The following TPO variants were observed in gnomAD, a reference collection of about 807,000 sequenced individuals.
TPO encodes the protein thyroid microsomal antigen.
In TPO, 78 loss-of-function variants were observed where a neutral mutation model predicts 96.9. That is an observed-to-expected ratio of 0.81 (90% CI 0.67 to 0.97). TPO has a LOEUF of 0.97. TPO is among the 50% of genes least tolerant of loss of function. The pLI is 0.00. For missense variants in TPO, 1,252 were observed against 1,274.8 expected, an observed-to-expected ratio of 0.98 and a Z score of 0.27; for synonymous variants, 547 against 538.0, an observed-to-expected ratio of 1.02 and a Z score of -0.23.
rs749491843 is a variant in TPO, at chr2:1,540,741, G to T, written c.2748+18G>T. On this transcript the variant is annotated intron_variant, in intron 16 of 16. Coordinates refer to ENST00000329066, the MANE Select transcript of TPO (RefSeq NM_001206744.2). ...CGGAGCAGGTGGGCCACACCATGCCGCATGTTTCCAGCTGCCACCGCAGTG... is the reference window on the plus strand; with the variant it reads ...CGGAGCAGGTGGGCCACACCATGCCTCATGTTTCCAGCTGCCACCGCAGTG... 6.2e-7 allele frequency: 1 copy of T among 1,613,250 alleles called. No individual in the cohort carries two copies. The highest frequency in any genetic ancestry group is 1.1e-5 in the South Asian group (1 of 91,080).
chr2:1,505,015 G>A (rs1405112451), intron 14 of TPO, among the ~76,000 whole-genome samples: 1 of 152,164 alleles, frequency 6.6e-6, no homozygotes, highest in Non-Finnish European at 1.5e-5. Flanking sequence ...CAACTGCATT[G>A]AGGAGCTTCT....
chr2:1,390,671 C>G (rs1661986150), intron 1 of TPO, among the ~76,000 whole-genome samples: 1 of 152,220 alleles, frequency 6.6e-6, no homozygotes, highest in East Asian at 1.9e-4. Context: ...TCCTATTTCT[C>G]CACATCCTCT....
chr2:1,410,157 G>A (rs764711768), upstream of TPO, among the ~76,000 whole-genome samples: 7 of 152,278 alleles, frequency 4.6e-5, no homozygotes, highest in Middle Eastern at 3.4e-3. Context: ...GGATGAATAC[G>A]TGAGGTGCTG....
intron 1 of TPO, among the ~76,000 whole-genome samples, chr2:1,401,624 G>A (rs1043653840): frequency 4.6e-5 from 7 of 152,080 alleles, no homozygotes; most frequent in Admixed American, 2.6e-4. Context: ...ACAGCCCTGA[G>A]CTTCTCCCTC....
chr2:1,429,908 G>C (rs911307635), intron 3 of TPO, among the ~76,000 whole-genome samples: 3 of 152,296 alleles, frequency 2.0e-5, no homozygotes, highest in African/African-American at 7.2e-5. Context: ...TAAAAGGGAA[G>C]CAGAGCATAA....
At chr2:1,429,220 C>T (rs535304464) in intron 3 of TPO, among the ~76,000 whole-genome samples, 1 of 152,254 alleles carries the variant, frequency 6.6e-6, no homozygotes, top group East Asian at 1.9e-4. Context: ...CTCTACTCTC[C>T]TGCTCCTGCT....
intron 1 of TPO, among the ~76,000 whole-genome samples, chr2:1,402,714 C>T (rs1304669485): frequency 6.6e-6 from 1 of 152,158 alleles, no homozygotes; most frequent in Non-Finnish European, 1.5e-5. Context: ...TACTCAGCAC[C>T]AACCAGGAGA....
chr2:1,406,890 A>C (rs1662257338), intron 1 of TPO, among the ~76,000 whole-genome samples: 1 of 152,194 alleles, frequency 6.6e-6, no homozygotes, highest in Admixed American at 6.5e-5. Context: ...CATTATTTGA[A>C]AGATCATCAG....
chr2:1,536,923 AAATCCC>A, intron 15 of TPO, among the ~76,000 whole-genome samples: 1 of 98,574 alleles, frequency 1.0e-5, no homozygotes, highest in Non-Finnish European at 1.9e-5. Context: ...GCAACCTCCC[AAATCCC>A]CCCCAATGTG....
intron 14 of TPO, among the ~76,000 whole-genome samples, chr2:1,506,714 C>T (rs931673273): frequency 2.1e-4 from 32 of 152,150 alleles, no homozygotes; most frequent in African/African-American, 5.8e-4. Context: ...ATCCTTCACC[C>T]GCTTTTTGAT....
At chr2:1,414,320 GCCCCTC>G in intron 1 of TPO, 82 bp from the exon 2 acceptor site, 2 of 1,267,540 alleles carry the variant, frequency 1.6e-6, no homozygotes, top group Non-Finnish European at 2.2e-6. Flanking sequence ...AGTGGAGGGA[GCCCCTC>G]AGCAGGGAGA....
chr2:1,533,833 C>G (rs1225860204), intron 15 of TPO, among the ~76,000 whole-genome samples: 1 of 82,100 alleles, frequency 1.2e-5, no homozygotes, highest in African/African-American at 4.4e-5. Flanking sequence ...TGTGTGCATT[C>G]TCCTCAAATG....
chr2:1,495,194 C>T (rs1672202814), intron 11 of TPO, among the ~76,000 whole-genome samples: 1 of 152,168 alleles, frequency 6.6e-6, no homozygotes, highest in African/African-American at 2.4e-5. Flanking sequence ...ACATATCTCC[C>T]CAATGCAAAA....
chr2:1,461,486 CAG>C (rs1236043197), intron 7 of TPO, among the ~76,000 whole-genome samples: 2 of 152,156 alleles, frequency 1.3e-5, no homozygotes, highest in Admixed American at 6.5e-5. Flanking sequence ...CCACCTGCCT[CAG>C]GGGAGGAATT....
At chr2:1,400,652 T>C (rs544703984) in intron 1 of TPO, among the ~76,000 whole-genome samples, 88 of 148,820 alleles carry the variant, frequency 5.9e-4, no homozygotes, top group Non-Finnish European at 1.0e-3. Context: ...TCACTTATGA[T>C]GTGCAAAATT....
Position 1,469,407 on chromosome 2 carries a change from C to T in TPO, c.820-7679C>T, listed in dbSNP as rs116153957. 9.5e-3 allele frequency among the ~76,000 whole-genome samples: 1,454 copies of T among 152,264 alleles called. 21 individuals carry two copies. Among genetic ancestry groups the T allele is most frequent in the African/African-American group, 0.034 (1,396 of 41,542 alleles). On this transcript the variant is annotated intron_variant, in intron 7 of 16. Coordinates refer to ENST00000329066, the MANE Select transcript of TPO (RefSeq NM_001206744.2). ...TTCGCCCCAGGGGGTGTTCCCTGGA[C>T]GTGATTAGTACTCTCCCTGTTTCCT...
intron 3 of TPO, among the ~76,000 whole-genome samples, chr2:1,433,067 C>T (rs77502919): frequency 0.021 from 3,183 of 152,228 alleles, 95 homozygotes; most frequent in East Asian, 0.12. Context: ...CAGGGCTGTG[C>T]GCTTCCCAGT....
At position 1,523,927 on chromosome 2, in the gene TPO, C is replaced by T. The variant is rs1180033515; in HGVS notation, c.2618+6945C>T. Among the ~76,000 whole-genome samples, 106 of 120,368 alleles carry T rather than the reference C, an allele frequency of 8.8e-4. 2 individuals carry two copies. The highest frequency in any genetic ancestry group is 1.7e-4 in the Non-Finnish European group (10 of 60,330). 79.0% of individuals were successfully genotyped at this position (120,368 alleles called of 152,430 possible). On this transcript the variant is annotated intron_variant, in intron 15 of 16. Coordinates refer to ENST00000329066, the MANE Select transcript of TPO (RefSeq NM_001206744.2). ...CAACTGTAATCAACCTCCCCAAATC[C>T]CCCCTACTGTGTGCAACCTTCCCAA...
chr2:1,496,876 A>T, intron 13 of TPO, 111 bp downstream of exon 13: 2 of 1,515,064 alleles, frequency 1.3e-6, no homozygotes, highest in Non-Finnish European at 1.8e-6. Flanking sequence ...TGAAACTGTT[A>T]TCTTCCCAGG....
Sources: allele counts gnomAD v4.1 joint callset (sites outside exome capture counted in the v4.1 genomes callset), GRCh38; gene constraint gnomAD v4.1.1; transcripts MANE v1.5; gene names NCBI Gene and HGNC (gene_info 2026-07-23, HGNC 2026-07-21).